The following PPP2R2C variants were observed in gnomAD, a reference collection of about 807,000 sequenced individuals.
PPP2R2C encodes protein phosphatase 2, regulatory subunit B, gamma.
PPP2R2C carries 10 observed loss-of-function variants against 45.3 expected under a neutral mutation model. The observed-to-expected ratio is 0.22, with a 90% CI of 0.14 to 0.37. The LOEUF (loss-of-function observed/expected upper bound fraction) is 0.37, where lower values mean the gene tolerates loss of function less well. Among genes scored for constraint, PPP2R2C ranks in the 10% least tolerant of loss-of-function variants. The pLI is 1.00. For missense variants in PPP2R2C, 308 were observed against 619.7 expected (o/e 0.50, Z 5.34); for synonymous variants, 257 against 245.4 (o/e 1.05, Z -0.44).
chr4:6,333,741 C>T lies in PPP2R2C; in HGVS notation c.791-10G>A, dbSNP rs1249223145. 1 of 1,613,892 alleles carries T rather than the reference C, an allele frequency of 6.2e-7. No homozygotes were observed. On this transcript the variant is annotated splice_polypyrimidine_tract_variant and intron_variant, in intron 6 of 8. Transcript: ENST00000382599. ...TCAGGCTCTTCAAAGACTGTGGAGA[C>T]AGAGAAGCAATGGCCGTCACTGCGC...
intron 1 of PPP2R2C, among the ~76,000 whole-genome samples, chr4:6,545,302 T>C (rs1231055413): frequency 6.6e-6 from 1 of 152,220 alleles, no homozygotes; most frequent in African/African-American, 2.4e-5. Flanking sequence ...TTTATCATAG[T>C]AGCAGTGGAG....
intron 2 of PPP2R2C, among the ~76,000 whole-genome samples, chr4:6,478,148 C>T (rs1169857387): frequency 6.6e-6 from 1 of 152,216 alleles, no homozygotes; most frequent in Non-Finnish European, 1.5e-5. Context: ...ACAGTGCCAT[C>T]CCTACGTCTC....
chr4:6,323,694 G>T, intron 8 of PPP2R2C, 101 bp from the exon 9 acceptor site: 1 of 1,247,280 alleles, frequency 8.0e-7, no homozygotes, highest in South Asian at 1.9e-5. Context: ...CCAGGACTTT[G>T]GGAGGCCCCG....
intron 3 of PPP2R2C, among the ~76,000 whole-genome samples, chr4:6,377,475 T>A (rs892846803): frequency 5.9e-5 from 9 of 151,862 alleles, no homozygotes; most frequent in African/African-American, 2.2e-4. Flanking sequence ...GGCCAACATG[T>A]AGTGAAACCC....
At chr4:6,450,096 GA>G (rs1720655912) in intron 1 of PPP2R2C, among the ~76,000 whole-genome samples, 1 of 152,216 alleles carries the variant, frequency 6.6e-6, no homozygotes, top group Admixed American at 6.5e-5. Flanking sequence ...GGGTATGGTG[GA>G]AATAGCATTG....
chr4:6,342,079 GATACAC>G (rs779327144), intron 6 of PPP2R2C, among the ~76,000 whole-genome samples: 95 of 86,510 alleles, frequency 1.1e-3, no homozygotes, highest in African/African-American at 3.8e-3. Context: ...GATCTGCCAC[GATACAC>G]ACACACACAC....
rs1238089701 is a variant in PPP2R2C at position 6,384,610 on chromosome 4, G to A, written c.71-3516C>T. The A allele has an allele frequency of 4.1e-6, 4 of 985,148 alleles. No homozygotes were observed. In the East Asian group the frequency reaches 4.5e-4, roughly 112 times the overall value. 61.0% of individuals were successfully genotyped at this position (985,148 alleles called of 1,614,324 possible). ...ATTTTTATGATGGGAACATAACAAT[G>A]CTATTAAATTAAAATGCCAATATAA... On this transcript the variant is annotated intron_variant, in intron 1 of 8. Coordinates refer to ENST00000382599, the MANE Select transcript of PPP2R2C (RefSeq NM_020416.4).
At chr4:6,393,571 C>T (rs1286633832) in intron 1 of PPP2R2C, among the ~76,000 whole-genome samples, 2 of 152,236 alleles carry the variant, frequency 1.3e-5, no homozygotes, top group African/African-American at 4.8e-5. Context: ...ATGGCCCCGG[C>T]CTCCAACCCG....
intron 1 of PPP2R2C, among the ~76,000 whole-genome samples, chr4:6,414,993 T>C (rs1417657535): frequency 6.6e-6 from 1 of 152,148 alleles, no homozygotes; most frequent in Non-Finnish European, 1.5e-5. Context: ...CAGAAGAGCA[T>C]CTCGCTCACA....
At chr4:6,353,205 G>A (rs887308469) in intron 5 of PPP2R2C, among the ~76,000 whole-genome samples, 6 of 151,922 alleles carry the variant, frequency 3.9e-5, no homozygotes, top group African/African-American at 1.5e-4. Context: ...GGTGCTTCCT[G>A]GGAGTTGGGA....
chr4:6,487,886 C>T (rs551894318), intron 2 of PPP2R2C, among the ~76,000 whole-genome samples: 10 of 152,184 alleles, frequency 6.6e-5, no homozygotes, highest in African/African-American at 2.2e-4. Context: ...ATGAGAAAGT[C>T]TCTGTTTCTT....
intron 1 of PPP2R2C, among the ~76,000 whole-genome samples, chr4:6,413,513 C>T (rs1015731504): frequency 7.2e-5 from 11 of 152,186 alleles, no homozygotes; most frequent in Non-Finnish European, 1.3e-4. Context: ...CCATCTCAGC[C>T]GGTAATTAAA....
At chr4:6,395,203 T>G (rs1256332188) in intron 1 of PPP2R2C, among the ~76,000 whole-genome samples, 1 of 152,190 alleles carries the variant, frequency 6.6e-6, no homozygotes, top group Non-Finnish European at 1.5e-5. Flanking sequence ...AGGTCCCATC[T>G]GCCTGGCTCA....
chr4:6,461,887 C>T (rs1284975041), intron 1 of PPP2R2C, among the ~76,000 whole-genome samples: 2 of 152,226 alleles, frequency 1.3e-5, no homozygotes, highest in Non-Finnish European at 2.9e-5. Context: ...TGCCACATCC[C>T]CATCATGGGG....
chr4:6,358,859 G>C (rs1038245169), intron 5 of PPP2R2C, among the ~76,000 whole-genome samples: 26 of 152,222 alleles, frequency 1.7e-4, no homozygotes, highest in African/African-American at 5.8e-4. Flanking sequence ...GTGCTGGAGA[G>C]GATGTGGAGA....
Position 6,561,133 on chromosome 4 carries a change from GCTGCAATGCCCTGTGGGGTAC to G in PPP2R2C, c.-59+2406_-59+2426del, listed in dbSNP as rs1365861534. On this transcript the variant is annotated intron_variant, in intron 1 of 9. Transcript: ENST00000506140. ...AGGTACCAACTGTCTCAACCCCAAG[GCTGCAATGCCCTGTGGGGTAC>G]CTGTCTGCCATGGATTGGGGCATCG... Among the ~76,000 whole-genome samples the G allele has an allele frequency of 5.9e-5, 9 of 152,324 alleles. No individual in the cohort carries two copies. In the South Asian group the frequency reaches 1.9e-3, roughly 32 times the overall value.
At chr4:6,446,075 G>T (rs923492307) in intron 1 of PPP2R2C, among the ~76,000 whole-genome samples, 3 of 152,160 alleles carry the variant, frequency 2.0e-5, no homozygotes, top group African/African-American at 7.2e-5. Flanking sequence ...TAATCCCTCT[G>T]TGCCTCAGTT....
chr4:6,553,195 C>G (rs1447326016), intron 1 of PPP2R2C, among the ~76,000 whole-genome samples: 1 of 152,198 alleles, frequency 6.6e-6, no homozygotes, highest in Non-Finnish European at 1.5e-5. Context: ...AGCGCCACCG[C>G]AGGGAGAAGA....
intron 1 of PPP2R2C, among the ~76,000 whole-genome samples, chr4:6,452,427 G>T (rs1246535073): frequency 6.6e-6 from 1 of 152,146 alleles, no homozygotes; most frequent in Non-Finnish European, 1.5e-5. Context: ...TCTGGGGCCT[G>T]GACCCTCACA....
Sources: gnomAD v4.1 joint callset for allele counts (sites outside exome capture counted in the v4.1 genomes callset) on GRCh38, gnomAD v4.1.1 for gene constraint, MANE v1.5 for transcripts, NCBI Gene and HGNC (gene_info 2026-07-23, HGNC 2026-07-21) for gene names.